The following NIPSNAP1 variants were observed in gnomAD, a reference collection of about 807,000 sequenced individuals.
NIPSNAP1 encodes nipsnap homolog 1, also known as protein NipSnap homolog 1.
A neutral mutation model predicts 49.2 loss-of-function variants in NIPSNAP1; 25 were observed. The observed-to-expected ratio is 0.51, with a 90% CI of 0.37 to 0.71. The LOEUF (loss-of-function observed/expected upper bound fraction) is 0.71. Ranked by LOEUF, NIPSNAP1 falls within the 30% of genes least tolerant of loss-of-function variation. NIPSNAP1 has a pLI of 0.00. For synonymous variants in NIPSNAP1, 143 were observed against 140.7 expected, an observed-to-expected ratio of 1.02 and a Z score of -0.12; for missense variants, 294 against 361.0, an observed-to-expected ratio of 0.81 and a Z score of 1.50.
chr22:29,556,515 A>G (rs1057257791), intron 9 of NIPSNAP1, among the ~76,000 whole-genome samples: 1 of 151,322 alleles, frequency 6.6e-6, no homozygotes, highest in Non-Finnish European at 1.5e-5. Flanking sequence ...CAAGAGCAAA[A>G]CTCCGTCTCA....
In NIPSNAP1 at chr22:29,569,182, G is replaced by T; in HGVS notation, c.367+11C>A. ...GCAGTGGCAATGGCACTAGGGAGGTGAGCGCCTTACCTGCCTGGTCCTGCT... is the reference window on the plus strand; with the variant it reads ...GCAGTGGCAATGGCACTAGGGAGGTTAGCGCCTTACCTGCCTGGTCCTGCT... On this transcript the variant is annotated intron_variant, in intron 4 of 9. Transcript: ENST00000216121. 6.2e-7 allele frequency: 1 copy of T among 1,612,458 alleles called. No individual in the cohort carries two copies. Among genetic ancestry groups the T allele is most frequent in the Non-Finnish European group, 8.5e-7 (1 of 1,178,698 alleles).
chr22:29,564,805 C>T (rs1232350358), intron 4 of NIPSNAP1, among the ~76,000 whole-genome samples: 2 of 152,206 alleles, frequency 1.3e-5, no homozygotes, highest in Non-Finnish European at 2.9e-5. Flanking sequence ...TTCTTGAACC[C>T]TACTCCCAGC....
At chr22:29,566,186 T>C (rs916557327) in intron 4 of NIPSNAP1, among the ~76,000 whole-genome samples, 2 of 152,144 alleles carry the variant, frequency 1.3e-5, no homozygotes, top group Non-Finnish European at 2.9e-5. Context: ...GTATTTTCTT[T>C]ATAGAAGCAA....
chr22:29,569,045 A>G, intron 4 of NIPSNAP1, 148 bp downstream of exon 4: 1 of 699,058 alleles, frequency 1.4e-6, no homozygotes, highest in Non-Finnish European at 2.6e-6. Flanking sequence ...CAGGACAGGT[A>G]TTTGAGCAGG....
chr22:29,580,263 T>C (rs2064487758), intron 1 of NIPSNAP1: 21 of 1,277,016 alleles, frequency 1.6e-5, no homozygotes, highest in Non-Finnish European at 2.2e-5. Flanking sequence ...AGTACAGGGC[T>C]GTGGGGACCA....
In NIPSNAP1 at chr22:29,561,605, C is replaced by T. The variant is rs1220748339; in HGVS notation, c.480G>A (p.Leu160=). The T allele has an allele frequency of 1.9e-6, 3 of 1,614,104 alleles. No individual in the cohort carries two copies. The highest frequency in any genetic ancestry group is 2.7e-5 in the African/African-American group (2 of 75,048). Residue 160 remains leucine, a synonymous_variant, in exon 6 of 10, where the codon CTG becomes CTA. Transcript: ENST00000216121. ...EFRRERSQML[L]SRRNQLLLEF... ...CGAGGAGCAGCTGGTTTCTCCTGGA[C>T]AGCAGCATCTGGCTCCGCTCCCTTC...
intron 9 of NIPSNAP1, 48 bp from the exon 10 acceptor site, chr22:29,556,047 A>G (rs1601485286): frequency 6.6e-7 from 1 of 1,513,506 alleles, no homozygotes; most frequent in Non-Finnish European, 9.0e-7. Context: ...AAGCAAGCCA[A>G]CAACCTCCCC....
chr22:29,567,063 AGT>A (rs2064372822), intron 4 of NIPSNAP1, among the ~76,000 whole-genome samples: 1 of 152,172 alleles, frequency 6.6e-6, no homozygotes, highest in Non-Finnish European at 1.5e-5. Flanking sequence ...CAGAGGTTGC[AGT>A]GAGCCAAGAT....
chr22:29,568,188 A>AG (rs1569247256), intron 4 of NIPSNAP1, among the ~76,000 whole-genome samples: 4 of 148,652 alleles, frequency 2.7e-5, no homozygotes, highest in Admixed American at 6.7e-5. Context: ...CAAAAAAAAA[A>AG]AAAAAAAAAA....
Position 29,580,995 on chromosome 22 carries a change from C to T in NIPSNAP1, c.88G>A (p.Ala30Thr). 1 of 1,532,038 alleles carries T rather than the reference C, an allele frequency of 6.5e-7. No homozygotes were observed. The highest frequency in any genetic ancestry group is 8.7e-7 in the Non-Finnish European group (1 of 1,144,204). 94.9% of individuals were successfully genotyped at this position (1,532,038 alleles called of 1,614,324 possible). A position where few individuals can be genotyped will look rare whatever the true frequency, so the allele number is the denominator to read the frequency against. The change falls in exon 1 of 10, where the codon GCT becomes ACT. Residue 30 changes from alanine (A) to threonine (T), a missense_variant. Ala to Thr is a moderately conservative substitution (Grantham distance 58). Transcript: ENST00000216121. The stretch of plus-strand genomic sequence containing the variant: ...TGGCCGGGCTCTCACCGCGCCGCAG[C>T]TGCAGACGCAACGTCCCCAGCGCGA... ...GPRAGDVASA[A>T]AARFYSKDNE... is the part of the protein sequence containing the mutation.
At chr22:29,561,110 T>G in intron 7 of NIPSNAP1, 61 bp downstream of exon 7, 1 of 1,516,134 alleles carries the variant, frequency 6.6e-7, no homozygotes, top group Admixed American at 1.7e-5. Flanking sequence ...ACCAGGGGCC[T>G]TGGTGGGGCA....
At chr22:29,580,293 G>A (rs778665404) in intron 1 of NIPSNAP1, 2 of 1,240,264 alleles carry the variant, frequency 1.6e-6, no homozygotes, top group Non-Finnish European at 2.1e-6. Flanking sequence ...GGGCTGCCCA[G>A]GGCCAGTCAG....
intron 1 of NIPSNAP1, chr22:29,580,101 C>T (rs1040049646): frequency 3.7e-5 from 48 of 1,304,122 alleles, no homozygotes; most frequent in Middle Eastern, 2.1e-4. Flanking sequence ...GGCCTCACTT[C>T]TTTGGTAAAT....
At chr22:29,580,192 G>C in intron 1 of NIPSNAP1, 1 of 1,303,880 alleles carries the variant, frequency 7.7e-7, no homozygotes, top group Middle Eastern at 2.1e-4. Flanking sequence ...ATGGTCTAGT[G>C]AGAGAGACAG....
intron 1 of NIPSNAP1, among the ~76,000 whole-genome samples, chr22:29,573,448 AG>A (rs2064425796): frequency 6.6e-6 from 1 of 152,076 alleles, no homozygotes; most frequent in African/African-American, 2.4e-5. Context: ...ACTTGAGCTC[AG>A]GAGTCTGAAG....
At chr22:29,577,289 G>A (rs1471629016) in intron 1 of NIPSNAP1, among the ~76,000 whole-genome samples, 1 of 151,140 alleles carries the variant, frequency 6.6e-6, no homozygotes, top group Non-Finnish European at 1.5e-5. Flanking sequence ...GTCTTACTCT[G>A]TTGCCCAGGC....
rs1193931453 is a variant in NIPSNAP1, at chr22:29,570,218, G to A, written c.227-11C>T. The A allele has an allele frequency of 1.2e-5, 19 of 1,613,826 alleles. No homozygotes were observed. The highest frequency in any genetic ancestry group is 1.4e-5 in the Non-Finnish European group (17 of 1,179,948). ...GCTTTACATTGTGAACTGCAACAGAGGACAGAGAACAAGAAGTGAGGTAGG... is the reference window on the plus strand; with the variant it reads ...GCTTTACATTGTGAACTGCAACAGAAGACAGAGAACAAGAAGTGAGGTAGG... On this transcript the variant is annotated splice_polypyrimidine_tract_variant and intron_variant, in intron 2 of 9. Transcript: ENST00000216121.
Position 29,568,137 on chromosome 22 carries a change from C to T in NIPSNAP1, c.367+1056G>A, listed in dbSNP as rs2064380076. On this transcript the variant is annotated intron_variant, in intron 4 of 9. Transcript: ENST00000216121. The stretch of plus-strand genomic sequence containing the variant: ...GAGGCTCGAGTGAGCCAAGATTATG[C>T]CACTGCACTCCAGCCTGTGTGACAG... Among the ~76,000 whole-genome samples, 3 of 136,406 alleles carry T rather than the reference C, an allele frequency of 2.2e-5. No homozygotes were observed. The South Asian group carries it at 7.3e-4, about 33-fold the overall frequency. 89.5% of individuals were successfully genotyped at this position (136,406 alleles called of 152,430 possible). A position where few individuals can be genotyped will look rare whatever the true frequency, so the allele number is the denominator to read the frequency against.
At chr22:29,562,480 G>A (rs2064342398) in intron 4 of NIPSNAP1, among the ~76,000 whole-genome samples, 1 of 152,162 alleles carries the variant, frequency 6.6e-6, no homozygotes, top group South Asian at 2.1e-4. Flanking sequence ...TTGCGGGGCT[G>A]AGGTGGGTGG....
Sources: gnomAD v4.1 joint callset for allele counts (sites outside exome capture counted in the v4.1 genomes callset) on GRCh38, gnomAD v4.1.1 for gene constraint, MANE v1.5 for transcripts, NCBI Gene and HGNC (gene_info 2026-07-23, HGNC 2026-07-21) for gene names.